TRIM4: variants seen among roughly 807,000 people sequenced by gnomAD.
The protein encoded by TRIM4 is tripartite motif containing 4, also known as E3 ubiquitin-protein ligase TRIM4.
Under a neutral mutation model 33.7 loss-of-function variants are expected in TRIM4, and 29 were observed. The ratio of observed to expected loss-of-function variants is 0.86; its 90% confidence interval spans 0.64 to 1.17. The LOEUF (loss-of-function observed/expected upper bound fraction) is 1.17, where lower values mean the gene tolerates loss of function less well. Among genes scored for constraint, TRIM4 ranks in the 50% most tolerant of loss-of-function variants. The pLI is 0.00. For synonymous variants in TRIM4, 224 were observed against 233.0 expected (o/e 0.96, Z 0.35); for missense variants, 554 against 593.7 (o/e 0.93, Z 0.69).
rs1274931273 is a variant in TRIM4 at position 99,892,637 on chromosome 7, T to C, written c.951A>G (p.Ser317=). ...TCCATCCAGCAAAGTAGTTCCATGC[T>C]GAAGAAAACACTGGCCAAGAACTGG... ...ASASSWPVFS[S]AWNYFAGWRN... The change falls in exon 6 of 6, where the codon TCA becomes TCG. Residue 317 remains serine, a synonymous_variant. Coordinates refer to ENST00000349062, the MANE Select transcript of TRIM4 (RefSeq NM_033091.3). 5 of 1,614,098 alleles carry C rather than the reference T, an allele frequency of 3.1e-6. No homozygotes were observed. The African/African-American group carries it at 6.7e-5, about 22-fold the overall frequency.
intron 3 of TRIM4, among the ~76,000 whole-genome samples, chr7:99,904,204 T>C (rs568032408): frequency 3.3e-5 from 5 of 152,268 alleles, no homozygotes; most frequent in African/African-American, 1.2e-4. Flanking sequence ...AAGACATAGA[T>C]GTGAAAATTC....
At chr7:99,916,255 C>T (rs1819553226) in intron 1 of TRIM4, among the ~76,000 whole-genome samples, 1 of 152,196 alleles carries the variant, frequency 6.6e-6, no homozygotes, top group Non-Finnish European at 1.5e-5. Context: ...CTTTTGCTGG[C>T]TACCAACCAT....
chr7:99,910,969 A>G (rs1312204165), intron 1 of TRIM4, among the ~76,000 whole-genome samples: 1 of 152,224 alleles, frequency 6.6e-6, no homozygotes, highest in Non-Finnish European at 1.5e-5. Context: ...GTTGTGGTTT[A>G]AGTAACTGGA....
intron 1 of TRIM4, among the ~76,000 whole-genome samples, chr7:99,911,575 A>G (rs898919848): frequency 2.6e-5 from 4 of 152,270 alleles, no homozygotes; most frequent in Non-Finnish European, 2.9e-5. Context: ...ACTAATAGGT[A>G]TAACTTTTCA....
chr7:99,919,415 C>T lies in TRIM4; in HGVS notation c.-14G>A, dbSNP rs1237993327. On this transcript the variant is annotated 5_prime_UTR_variant, in exon 1 of 6. Transcript: ENST00000349062. ...CTCAGCTTCCATGCTGCTTCCCTGC[C>T]GCGGAGACGGAGTCCGACGTGAGGC... 1.3e-6 allele frequency: 2 copies of T among 1,521,514 alleles called. No individual in the cohort carries two copies. Among genetic ancestry groups the T allele is most frequent in the Non-Finnish European group, 1.8e-6 (2 of 1,136,230 alleles). 94.3% of individuals were successfully genotyped at this position (1,521,514 alleles called of 1,614,324 possible). A position where few individuals can be genotyped will look rare whatever the true frequency, so the allele number is the denominator to read the frequency against.
At position 99,890,529 on chromosome 7, in the gene TRIM4, C is replaced by T. The variant is rs567715778; in HGVS notation, c.*1634G>A. 6.6e-6 allele frequency: 1 copy of T among 152,200 alleles called. No homozygotes were observed. Among genetic ancestry groups the T allele is most frequent in the South Asian group, 2.1e-4 (1 of 4,824 alleles). The allele number at this position is 152,200 out of a possible 1,614,324, so 9.4% of individuals were successfully genotyped here. ...CATAGTACATATACACCATGGAATA[C>T]TATGCAGCCATAAAAAAAGAATGAG... On this transcript the variant is annotated 3_prime_UTR_variant, in exon 6 of 6. Transcript: ENST00000349062.
chr7:99,893,882 G>A (rs1324497566), intron 5 of TRIM4, among the ~76,000 whole-genome samples: 1 of 150,720 alleles, frequency 6.6e-6, no homozygotes, highest in African/African-American at 2.4e-5. Flanking sequence ...TGAGTTTGAG[G>A]ACTTTTTTTA....
At chr7:99,911,794 G>A (rs1012209972) in intron 1 of TRIM4, among the ~76,000 whole-genome samples, 2 of 152,044 alleles carry the variant, frequency 1.3e-5, no homozygotes, top group Non-Finnish European at 2.9e-5. Context: ...CCTAGACCCT[G>A]GAAAAATGAA....
rs758969930 is a variant in TRIM4, at chr7:99,895,947, AT to A, written c.842-3202del. 6.1e-3 allele frequency among the ~76,000 whole-genome samples: 878 copies of A among 142,852 alleles called. 2 individuals are homozygous for A. Among genetic ancestry groups the A allele is most frequent in the African/African-American group, 0.011 (446 of 38,994 alleles). 93.7% of individuals were successfully genotyped at this position (142,852 alleles called of 152,430 possible). Reference sequence around the variant, plus strand: ...CTTTTCCAGTAAAAAATTGGGTCTTATTTTTTTTTTTTAGCCAATCCAACCA... The same window carrying A: ...CTTTTCCAGTAAAAAATTGGGTCTTATTTTTTTTTTTAGCCAATCCAACCA... On this transcript the variant is annotated intron_variant, in intron 5 of 5. Transcript: ENST00000349062.
rs1818877348 is a variant in TRIM4, at chr7:99,890,846, C to G, written c.*1317G>C. 1 of 152,182 alleles carries G rather than the reference C, an allele frequency of 6.6e-6. No individual in the cohort carries two copies. Among genetic ancestry groups the G allele is most frequent in the Non-Finnish European group, 1.5e-5 (1 of 68,016 alleles). The allele number at this position is 152,182 out of a possible 1,614,324, so 9.4% of individuals were successfully genotyped here. Reference sequence around the variant, plus strand: ...CATGTAATTGATCTATAGAACAAACCTGCACGTGTTCCCCTTAAACTAAAA... The same window carrying G: ...CATGTAATTGATCTATAGAACAAACGTGCACGTGTTCCCCTTAAACTAAAA... On this transcript the variant is annotated 3_prime_UTR_variant, in exon 6 of 6. Coordinates refer to ENST00000349062, the MANE Select transcript of TRIM4 (RefSeq NM_033091.3).
intron 5 of TRIM4, among the ~76,000 whole-genome samples, chr7:99,900,674 CA>C (rs761132321): frequency 4.6e-5 from 7 of 150,906 alleles, no homozygotes; most frequent in African/African-American, 7.3e-5. Context: ...AGTTTACCTC[CA>C]AACTTATTTA....
chr7:99,891,816 G>A lies in TRIM4; in HGVS notation c.*347C>T, dbSNP rs200685456. On this transcript the variant is annotated 3_prime_UTR_variant, in exon 6 of 6. Coordinates refer to ENST00000349062, the MANE Select transcript of TRIM4 (RefSeq NM_033091.3). Reference sequence around the variant, plus strand: ...AAGGAAATTTCAACAATTTCACAACGGCAACAAAAACTCTGTTTCTTCTAC... The same window carrying A: ...AAGGAAATTTCAACAATTTCACAACAGCAACAAAAACTCTGTTTCTTCTAC... 3.0e-5 allele frequency: 6 copies of A among 199,032 alleles called. No individual in the cohort carries two copies. In the East Asian group the frequency reaches 3.7e-4, roughly 12 times the overall value. The allele number at this position is 199,032 out of a possible 1,614,324, so 12.3% of individuals were successfully genotyped here. A position where few individuals can be genotyped will look rare whatever the true frequency, so the allele number is the denominator to read the frequency against.
At chr7:99,910,895 A>G (rs1232784511) in intron 1 of TRIM4, among the ~76,000 whole-genome samples, 2 of 152,240 alleles carry the variant, frequency 1.3e-5, no homozygotes, top group African/African-American at 4.8e-5. Context: ...CACACAAGAG[A>G]AAAACCCACA....
chr7:99,919,357 G>C lies in TRIM4; in HGVS notation c.45C>G (p.Cys15Trp), dbSNP rs1405735059. 6.3e-7 allele frequency: 1 copy of C among 1,577,474 alleles called. No homozygotes were observed. The highest frequency in any genetic ancestry group is 1.1e-5 in the South Asian group (1 of 86,988). The change falls in exon 1 of 6, where the codon TGC (cysteine) becomes TGG (tryptophan). Residue 15 changes from cysteine (C) to tryptophan (W), a missense_variant. Physicochemically the swap from Cys to Trp is radical, Grantham distance 215. Transcript: ENST00000349062. ...DIQEELTCPI[C>W]LDYFQDPVSI... ...ACACCGGGTCCTGGAAATAGTCCAGGCAGATGGGGCAGGTCAACTCCTCCT... is the reference window on the plus strand; with the variant it reads ...ACACCGGGTCCTGGAAATAGTCCAGCCAGATGGGGCAGGTCAACTCCTCCT...
intron 3 of TRIM4, among the ~76,000 whole-genome samples, chr7:99,906,046 G>A (rs1325633985): frequency 1.3e-5 from 2 of 152,184 alleles, no homozygotes; most frequent in African/African-American, 4.8e-5. Flanking sequence ...TTGGGAGGCT[G>A]AGCCCAGAGA....
chr7:99,896,110 AAT>A (rs963434968), intron 5 of TRIM4, among the ~76,000 whole-genome samples: 2 of 151,970 alleles, frequency 1.3e-5, no homozygotes, highest in Admixed American at 6.6e-5. Flanking sequence ...ATTTTTTATT[AAT>A]CTTTTTTTAT....
chr7:99,910,327 A>G (rs1011423083), intron 1 of TRIM4, among the ~76,000 whole-genome samples: 2 of 152,230 alleles, frequency 1.3e-5, no homozygotes, highest in Non-Finnish European at 2.9e-5. Context: ...GCTACTTCTA[A>G]TAATCTATGC....
chr7:99,917,589 G>A (rs1387690296), intron 1 of TRIM4, among the ~76,000 whole-genome samples: 1 of 152,110 alleles, frequency 6.6e-6, no homozygotes, highest in African/African-American at 2.4e-5. Context: ...CATGCTGGCA[G>A]GTGCCTGTAA....
chr7:99,904,729 T>C (rs1291992380), intron 3 of TRIM4, among the ~76,000 whole-genome samples: 1 of 152,150 alleles, frequency 6.6e-6, no homozygotes, highest in Non-Finnish European at 1.5e-5. Context: ...TCTCACTAGT[T>C]ATCAGGAAAA....
Sources: allele counts gnomAD v4.1 joint callset (sites outside exome capture counted in the v4.1 genomes callset), GRCh38; gene constraint gnomAD v4.1.1; transcripts MANE v1.5; gene names NCBI Gene and HGNC (gene_info 2026-07-23, HGNC 2026-07-21).